Variants in SNRNP70 observed in about 807,000 individuals in gnomAD.
SNRNP70 encodes U1 small nuclear ribonucleoprotein 70 kDa.
Under a neutral mutation model 50.5 loss-of-function variants are expected in SNRNP70, and 8 were observed. The observed-to-expected ratio is 0.16, with a 90% CI of 0.09 to 0.29. SNRNP70 has a LOEUF of 0.29. Among genes scored for constraint, SNRNP70 ranks in the 10% least tolerant of loss-of-function variants. SNRNP70 has a pLI of 1.00. For synonymous variants in SNRNP70, 320 were observed against 252.9 expected (o/e 1.27, Z -2.52); for missense variants, 529 against 663.5 (o/e 0.80, Z 2.23).
rs577281513 is a variant in SNRNP70 at position 49,086,296 on chromosome 19, A to C, written c.-10-109A>C. 1.2e-5 allele frequency: 16 copies of C among 1,295,100 alleles called. No individual in the cohort carries two copies. The African/African-American group carries it at 2.4e-4, about 19-fold the overall frequency. The allele number at this position is 1,295,100 out of a possible 1,614,324, so 80.2% of individuals were successfully genotyped here. A position where few individuals can be genotyped will look rare whatever the true frequency, so the allele number is the denominator to read the frequency against. ...TCTCTGCCCTTACAGAGCCTGTTTT[A>C]ATTCCGAGACTTTTCTCCTGTCTTT... On this transcript the variant is annotated intron_variant, in intron 1 of 9. Transcript: ENST00000598441.
At chr19:49,089,656 ATTTTTTTTTT>A (rs71179085) in intron 2 of SNRNP70, among the ~76,000 whole-genome samples, 1 of 82,586 alleles carries the variant, frequency 1.2e-5, no homozygotes, top group Non-Finnish European at 2.2e-5. Context: ...TTGAGACAGG[ATTTTTTTTTT>A]TTTTTTTTTT....
Position 49,095,535 on chromosome 19 carries a change from CCTT to C in SNRNP70, c.266-2891_266-2889del, listed in dbSNP as rs572941683. ...CATATGAACCCCATGAGGGTAGACA[CCTT>C]TTTTTTTTTTTTTTTGGAGACAGTC... On this transcript the variant is annotated intron_variant, in intron 4 of 9. Coordinates refer to ENST00000598441, the MANE Select transcript of SNRNP70 (RefSeq NM_003089.6). Among the ~76,000 whole-genome samples the C allele has an allele frequency of 1.6e-4, 24 of 149,386 alleles. No individual in the cohort carries two copies. In the South Asian group the frequency reaches 4.7e-3, roughly 29 times the overall value.
intron 2 of SNRNP70, among the ~76,000 whole-genome samples, chr19:49,087,015 G>A (rs1432909162): frequency 1.3e-5 from 2 of 151,756 alleles, no homozygotes; most frequent in Non-Finnish European, 2.9e-5. Flanking sequence ...GTGAAACCAC[G>A]TCTCTGCTAA....
At chr19:49,092,310 T>C (rs2122323571) in intron 4 of SNRNP70, among the ~76,000 whole-genome samples, 1 of 151,730 alleles carries the variant, frequency 6.6e-6, no homozygotes, top group Admixed American at 6.6e-5. Flanking sequence ...GGTTTCAGCA[T>C]GTTGACCAGG....
chr19:49,101,455 C>G lies in SNRNP70; in HGVS notation c.459C>G (p.His153Gln). ...GCTATGCCTTCATCGAGTACGAACA[C>G]GAGCGAGACATGCACTGTGAGTACC... ...PRGYAFIEYE[H>Q]ERDMHSAYKH... is the part of the protein sequence containing the mutation. The change falls in exon 7 of 10, where the codon CAC becomes CAG. Residue 153 changes from histidine to glutamine, a missense_variant. By Grantham distance (24) the His-to-Gln change is conservative (BLOSUM62 0). Coordinates refer to ENST00000598441, the MANE Select transcript of SNRNP70 (RefSeq NM_003089.6). The G allele has an allele frequency of 6.2e-7, 1 of 1,613,384 alleles. No individual in the cohort carries two copies. Among genetic ancestry groups the G allele is most frequent in the Non-Finnish European group, 8.5e-7 (1 of 1,179,366 alleles).
chr19:49,095,883 A>G (rs954666172), intron 4 of SNRNP70, among the ~76,000 whole-genome samples: 1 of 151,606 alleles, frequency 6.6e-6, no homozygotes, highest in South Asian at 2.1e-4. Context: ...TTCCAGGCAC[A>G]TAGTAGATGC....
In SNRNP70 at chr19:49,108,489, A is replaced by G; in HGVS notation, c.*46A>G. On this transcript the variant is annotated 3_prime_UTR_variant, in exon 10 of 10. Coordinates refer to ENST00000598441, the MANE Select transcript of SNRNP70 (RefSeq NM_003089.6). ...GCTGTGTTTGGACGCGTTCCTGCCC[A>G]GCCCCTTGCTGTCATCCCCTCCCCC... 6.5e-7 allele frequency: 1 copy of G among 1,547,212 alleles called. No individual in the cohort carries two copies. The highest frequency in any genetic ancestry group is 1.2e-5 in the South Asian group (1 of 83,600).
intron 4 of SNRNP70, among the ~76,000 whole-genome samples, chr19:49,095,770 G>A (rs1046065792): frequency 2.0e-5 from 3 of 151,956 alleles, no homozygotes; most frequent in African/African-American, 7.3e-5. Context: ...CAAGTGATCC[G>A]CCTGCCTTGG....
chr19:49,104,492 T>G lies in SNRNP70; in HGVS notation c.476-142T>G. 1.5e-6 allele frequency: 1 copy of G among 673,906 alleles called. No individual in the cohort carries two copies. Among genetic ancestry groups the G allele is most frequent in the East Asian group, 2.9e-5 (1 of 34,808 alleles). The allele number at this position is 673,906 out of a possible 1,614,324, so 41.7% of individuals were successfully genotyped here. A position where few individuals can be genotyped will look rare whatever the true frequency, so the allele number is the denominator to read the frequency against. On this transcript the variant is annotated intron_variant, in intron 7 of 9. Coordinates refer to ENST00000598441, the MANE Select transcript of SNRNP70 (RefSeq NM_003089.6). This position sits in a 1 kb window ranked among gnomAD's most constrained non-coding sequence, Gnocchi z 5.4. ...GTTTGGGAGAGGGTTGGTCTGGCTGTCAGTTGCCTGGCTGTCTGTTGGGCG... is the reference window on the plus strand; with the variant it reads ...GTTTGGGAGAGGGTTGGTCTGGCTGGCAGTTGCCTGGCTGTCTGTTGGGCG...
At chr19:49,102,381 C>T in intron 7 of SNRNP70, 1 of 307,572 alleles carries the variant, frequency 3.3e-6, no homozygotes, top group South Asian at 2.6e-5. Context: ...TTGCTGATCC[C>T]AGGAGGGGAA....
chr19:49,093,692 AC>A lies in SNRNP70; in HGVS notation c.265+3173del, dbSNP rs1312860738. ...AGATTCCATCTCAAAAAAAAAAAAA[AC>A]AAAAAAAAAAACAGTTCCAGGCCAG... On this transcript the variant is annotated intron_variant, in intron 4 of 9. Coordinates refer to ENST00000598441, the MANE Select transcript of SNRNP70 (RefSeq NM_003089.6). Among the ~76,000 whole-genome samples, 156 of 139,276 alleles carry A rather than the reference AC, an allele frequency of 1.1e-3. 14 individuals are homozygous for A. The highest frequency in any genetic ancestry group is 2.8e-3 in the African/African-American group (111 of 39,144). The allele number at this position is 139,276 out of a possible 152,430, so 91.4% of individuals were successfully genotyped here. A position where few individuals can be genotyped will look rare whatever the true frequency, so the allele number is the denominator to read the frequency against.
chr19:49,094,794 ACAGCTTCCAAGTG>A (rs1271459683), intron 4 of SNRNP70, among the ~76,000 whole-genome samples: 1 of 152,162 alleles, frequency 6.6e-6, no homozygotes, highest in Non-Finnish European at 1.5e-5. Context: ...TGACTTTCTC[ACAGCTTCCAAGTG>A]CAGCAGGGGT....
At chr19:49,098,350 C>A in intron 4 of SNRNP70, 77 bp from the exon 5 acceptor site, 1 of 1,211,262 alleles carries the variant, frequency 8.3e-7, no homozygotes, top group Non-Finnish European at 1.2e-6. Flanking sequence ...TCTTCTTGGC[C>A]TCTGCCCATC....
chr19:49,101,401 C>T lies in SNRNP70; in HGVS notation c.405C>T (p.Val135=). 6.2e-7 allele frequency: 1 copy of T among 1,613,868 alleles called. No individual in the cohort carries two copies. The change falls in exon 7 of 10, where the codon GTC becomes GTT. Residue 135 remains valine, a synonymous_variant. Coordinates refer to ENST00000598441, the MANE Select transcript of SNRNP70 (RefSeq NM_003089.6). ...CATGTGCCCCACAGATACACATGGTCTACAGTAAGCGGTCAGGAAAGCCCC... is the reference window on the plus strand; with the variant it reads ...CATGTGCCCCACAGATACACATGGTTTACAGTAAGCGGTCAGGAAAGCCCC... ...VYGPIKRIHM[V]YSKRSGKPRG... is the part of the protein sequence containing the mutation.
chr19:49,097,091 T>C (rs1159292067), intron 4 of SNRNP70, among the ~76,000 whole-genome samples: 1 of 151,838 alleles, frequency 6.6e-6, no homozygotes, highest in Non-Finnish European at 1.5e-5. Flanking sequence ...GATTGCGCCA[T>C]TGCACTTTAA....
chr19:49,105,817 A>G (rs1443219842), intron 8 of SNRNP70, among the ~76,000 whole-genome samples: 2 of 151,976 alleles, frequency 1.3e-5, no homozygotes, highest in African/African-American at 4.8e-5. Flanking sequence ...GTTTGCCTCC[A>G]TGCAGCTAGG....
In SNRNP70 at chr19:49,107,154, G is replaced by C. The variant is rs537801576; in HGVS notation, c.578-471G>C. Among the ~76,000 whole-genome samples the C allele has an allele frequency of 6.6e-5, 10 of 152,194 alleles. No homozygotes were observed. The highest frequency in any genetic ancestry group is 2.4e-4 in the African/African-American group (10 of 41,464). On this transcript the variant is annotated intron_variant, in intron 8 of 9. Coordinates refer to ENST00000598441, the MANE Select transcript of SNRNP70 (RefSeq NM_003089.6). The surrounding 1 kb of genome is among the most constrained non-coding windows in gnomAD (Gnocchi z 6.0). ...CACTGGGAAAGGCCTGGGACACGCAGCCAAGAGCCGCGGCTCAGACGCTAG... is the reference window on the plus strand; with the variant it reads ...CACTGGGAAAGGCCTGGGACACGCACCCAAGAGCCGCGGCTCAGACGCTAG...
At chr19:49,101,614 A>T in intron 7 of SNRNP70, 143 bp downstream of exon 7, 1 of 618,196 alleles carries the variant, frequency 1.6e-6, no homozygotes. Context: ...TTTCTGATGT[A>T]TCTTTTTTTT....
Position 49,090,143 on chromosome 19 carries a change from C to A in SNRNP70, c.148-148C>A, listed in dbSNP as rs1037115213. 6.3e-5 allele frequency: 44 copies of A among 693,548 alleles called. No individual in the cohort carries two copies. In the African/African-American group the frequency reaches 7.2e-4, roughly 11 times the overall value. The allele number at this position is 693,548 out of a possible 1,614,324, so 43.0% of individuals were successfully genotyped here. On this transcript the variant is annotated intron_variant, in intron 2 of 9. Coordinates refer to ENST00000598441, the MANE Select transcript of SNRNP70 (RefSeq NM_003089.6). ...TTGCTTTGATCTGTGCCACTCCCCT[C>A]CCTCCACTGTGTCAGGGGAAGTGTG...
Sources: allele counts gnomAD v4.1 joint callset (sites outside exome capture counted in the v4.1 genomes callset), GRCh38; gene constraint gnomAD v4.1.1; non-coding constraint Gnocchi (gnomAD v3.1); transcripts MANE v1.5; gene names NCBI Gene and HGNC (gene_info 2026-07-23, HGNC 2026-07-21).